The following MZT1 variants were observed in gnomAD, a reference collection of about 807,000 sequenced individuals.
The protein encoded by MZT1 is mitotic-spindle organizing protein 1.
In MZT1, 8 loss-of-function variants were observed where a neutral mutation model predicts 8.5. That is an observed-to-expected ratio of 0.94 (90% confidence interval 0.55 to 1.70). MZT1 has a LOEUF of 1.70. Ranked by LOEUF, MZT1 falls within the 40% of genes most tolerant of loss-of-function variation. The pLI is 0.00. For missense variants in MZT1, 93 were observed against 108.6 expected (o/e 0.86, Z 0.64); for synonymous variants, 38 against 42.0 (o/e 0.90, Z 0.37).
chr13:72,714,607 C>G (rs1316517692), intron 2 of MZT1, among the ~76,000 whole-genome samples: 7 of 152,244 alleles, frequency 4.6e-5, no homozygotes, highest in Non-Finnish European at 7.3e-5. Flanking sequence ...ATGGGCCAGG[C>G]TCAGGGCCCC....
chr13:72,711,013 T>C, intron 2 of MZT1, among the ~76,000 whole-genome samples: 1 of 152,174 alleles, frequency 6.6e-6, no homozygotes, highest in East Asian at 1.9e-4. Flanking sequence ...TAACTCCTTT[T>C]TATAAGACCT....
intron 2 of MZT1, 117 bp from the exon 3 acceptor site, chr13:72,710,462 C>G: frequency 1.1e-6 from 1 of 893,342 alleles, no homozygotes; most frequent in Non-Finnish European, 1.8e-6. Flanking sequence ...TAAAACAGAA[C>G]CACTTTTATC....
At chr13:72,717,070 G>A (rs942783819) in intron 2 of MZT1, among the ~76,000 whole-genome samples, 2 of 152,110 alleles carry the variant, frequency 1.3e-5, no homozygotes, top group Admixed American at 6.5e-5. Context: ...TCACAAAAGT[G>A]TAGCCACACT....
At chr13:72,715,384 C>T (rs1023393928) in intron 2 of MZT1, among the ~76,000 whole-genome samples, 1 of 152,148 alleles carries the variant, frequency 6.6e-6, no homozygotes, top group Non-Finnish European at 1.5e-5. Flanking sequence ...AGGGACTTGC[C>T]TTGTCTCAGA....
rs79287354 is a variant in MZT1 at position 72,727,169 on chromosome 13, C to G, written c.79+355G>C. Among the ~76,000 whole-genome samples the G allele has an allele frequency of 5.7e-3, 862 of 152,258 alleles. 10 individuals carry two copies. The highest frequency in any genetic ancestry group is 0.019 in the African/African-American group (795 of 41,576). On this transcript the variant is annotated intron_variant, in intron 1 of 2. Transcript: ENST00000377818. Reference sequence around the variant, plus strand: ...GTGGGACGCGGCACGCAGGAGGGAACGGGTGTACTGGGTGGGGTGGGCGTG... The same window carrying G: ...GTGGGACGCGGCACGCAGGAGGGAAGGGGTGTACTGGGTGGGGTGGGCGTG...
chr13:72,727,453 G>A, intron 1 of MZT1, 71 bp downstream of exon 1: 2 of 1,492,608 alleles, frequency 1.3e-6, no homozygotes, highest in Admixed American at 1.7e-5. Flanking sequence ...GTCCTCCCCA[G>A]GCTCATTCCC....
rs896147849 is a variant in MZT1 at position 72,708,833 on chromosome 13, A to C, written c.*1489T>G. On this transcript the variant is annotated 3_prime_UTR_variant, in exon 3 of 3. Coordinates refer to ENST00000377818, the MANE Select transcript of MZT1 (RefSeq NM_001071775.3). ...AATGGTCAAAATTCTATATTAAAAA[A>C]AAAAAAAGGCAGAGAAGGTTGCTAT... The C allele has an allele frequency of 6.6e-6, 1 of 152,020 alleles. No homozygotes were observed. Among genetic ancestry groups the C allele is most frequent in the African/African-American group, 2.4e-5 (1 of 41,432 alleles). The allele number at this position is 152,020 out of a possible 1,614,324, so 9.4% of individuals were successfully genotyped here.
chr13:72,715,367 AGGTGGAAGG>A (rs1158451833), intron 2 of MZT1, among the ~76,000 whole-genome samples: 2 of 152,156 alleles, frequency 1.3e-5, no homozygotes, highest in Non-Finnish European at 2.9e-5. Context: ...ACAGGCTCAT[AGGTGGAAGG>A]GACTTGCCTT....
In MZT1 at chr13:72,708,838, A is replaced by G. The variant is rs1227471949; in HGVS notation, c.*1484T>C. The G allele has an allele frequency of 1.3e-5, 2 of 151,958 alleles. No individual in the cohort carries two copies. Among genetic ancestry groups the G allele is most frequent in the Non-Finnish European group, 2.9e-5 (2 of 67,930 alleles). 9.4% of individuals were successfully genotyped at this position (151,958 alleles called of 1,614,324 possible). A position where few individuals can be genotyped will look rare whatever the true frequency, so the allele number is the denominator to read the frequency against. On this transcript the variant is annotated 3_prime_UTR_variant, in exon 3 of 3. Transcript: ENST00000377818. ...TCAAAATTCTATATTAAAAAAAAAA[A>G]AAGGCAGAGAAGGTTGCTATTTAAA... is the stretch of plus-strand genomic sequence containing the variant.
chr13:72,718,979 C>T lies in MZT1; in HGVS notation c.198G>A (p.Glu66=), dbSNP rs963754289. The change falls in exon 2 of 3, where the codon GAG becomes GAA. Residue 66 remains glutamate (E), a synonymous_variant. Transcript: ENST00000377818. ...TCAGTGCTTCAGTAGCCTTGCGAAG[C>T]TCCTTAATAACCGATGATAAAGCTT... ...NPEALSSVIK[E]LRKATEALKA... 1 of 1,580,146 alleles carries T rather than the reference C, an allele frequency of 6.3e-7. No individual in the cohort carries two copies. The highest frequency in any genetic ancestry group is 8.6e-7 in the Non-Finnish European group (1 of 1,168,302).
intron 1 of MZT1, among the ~76,000 whole-genome samples, chr13:72,720,447 T>A (rs1285269524): frequency 6.6e-6 from 1 of 152,196 alleles, no homozygotes; most frequent in African/African-American, 2.4e-5. Context: ...ACTACATTAT[T>A]ATTTTGGGAA....
intron 2 of MZT1, among the ~76,000 whole-genome samples, chr13:72,715,112 G>A (rs533479615): frequency 3.2e-4 from 48 of 152,310 alleles, no homozygotes; most frequent in Non-Finnish European, 6.2e-4. Flanking sequence ...AAAGCCACAG[G>A]GGCAGAGTTG....
At chr13:72,718,541 A>C (rs959334742) in intron 2 of MZT1, among the ~76,000 whole-genome samples, 1 of 151,884 alleles carries the variant, frequency 6.6e-6, no homozygotes, top group Non-Finnish European at 1.5e-5. Flanking sequence ...AGTGTCGCCA[A>C]CTTGGCTCAC....
rs772890866 is a variant in MZT1, at chr13:72,718,938, T to A, written c.225+14A>T. ...AGCATCTTTATTTAGAATGAACTAA[T>A]AGGAATCTCCAACCTTCAGTGCTTC... On this transcript the variant is annotated intron_variant, in intron 2 of 2. Coordinates refer to ENST00000377818, the MANE Select transcript of MZT1 (RefSeq NM_001071775.3). 6.4e-7 allele frequency: 1 copy of A among 1,559,208 alleles called. No individual in the cohort carries two copies. Among genetic ancestry groups the A allele is most frequent in the African/African-American group, 1.4e-5 (1 of 71,300 alleles).
At chr13:72,724,752 A>ATGTG (rs1555270950) in intron 1 of MZT1, among the ~76,000 whole-genome samples, 4,800 of 56,558 alleles carry the variant, frequency 0.085, 863 homozygotes, top group East Asian at 0.15. Context: ...ACATATATAT[A>ATGTG]TGTAAAGTGG....
At chr13:72,721,674 G>A (rs1411274539) in intron 1 of MZT1, among the ~76,000 whole-genome samples, 1 of 152,218 alleles carries the variant, frequency 6.6e-6, no homozygotes, top group Non-Finnish European at 1.5e-5. Flanking sequence ...GCAGTGAGCT[G>A]GGGCAACCCA....
rs2032472920 is a variant in MZT1 at position 72,710,012 on chromosome 13, T to TA, written c.*309dup. 1 of 341,550 alleles carries TA rather than the reference T, an allele frequency of 2.9e-6. No individual in the cohort carries two copies. The highest frequency in any genetic ancestry group is 2.1e-5 in the African/African-American group (1 of 46,564). 21.2% of individuals were successfully genotyped at this position (341,550 alleles called of 1,614,324 possible). The stretch of plus-strand genomic sequence containing the variant: ...TGGCACAGCAGATGTGCACATCTGA[T>TA]AGACAGACTGCTTAGAAAATTAAAG... On this transcript the variant is annotated 3_prime_UTR_variant, in exon 3 of 3. Transcript: ENST00000377818.
At chr13:72,718,807 A>G (rs1273053072) in intron 2 of MZT1, 145 bp downstream of exon 2, 7 of 741,376 alleles carry the variant, frequency 9.4e-6, no homozygotes, top group Non-Finnish European at 1.4e-5. Context: ...TGATATGAAC[A>G]TACACTATTG....
chr13:72,717,838 C>T (rs1266045642), intron 2 of MZT1, among the ~76,000 whole-genome samples: 1 of 152,172 alleles, frequency 6.6e-6, no homozygotes, highest in Non-Finnish European at 1.5e-5. Context: ...ACCAGAATTG[C>T]CTCAACATTC....
Sources: allele counts gnomAD v4.1 joint callset (sites outside exome capture counted in the v4.1 genomes callset), GRCh38; gene constraint gnomAD v4.1.1; transcripts MANE v1.5; gene names NCBI Gene and HGNC (gene_info 2026-07-23, HGNC 2026-07-21).